The following PHACTR1 variants were observed in gnomAD, a reference collection of about 807,000 sequenced individuals.
The protein encoded by PHACTR1 is RPEL repeat containing 1.
In PHACTR1, 16 loss-of-function variants were observed where a neutral mutation model predicts 69.2. That is an observed-to-expected ratio of 0.23 (90% CI 0.16 to 0.35). The LOEUF (loss-of-function observed/expected upper bound fraction) is 0.35. Ranked by LOEUF, PHACTR1 falls within the 10% of genes least tolerant of loss-of-function variation. PHACTR1 has a pLI of 1.00. For synonymous variants in PHACTR1, 312 were observed against 284.5 expected, an observed-to-expected ratio of 1.10 and a Z score of -0.97; for missense variants, 510 against 734.7, an observed-to-expected ratio of 0.69 and a Z score of 3.54.
intron 12 of PHACTR1, among the ~76,000 whole-genome samples, chr6:13,282,084 A>T (rs192749606): frequency 6.6e-6 from 1 of 152,330 alleles, no homozygotes; most frequent in Non-Finnish European, 1.5e-5. Flanking sequence ...TTCTCGCACT[A>T]GCCACGGGTG....
At chr6:12,986,597 G>A (rs1305770837) in intron 4 of PHACTR1, among the ~76,000 whole-genome samples, 2 of 152,170 alleles carry the variant, frequency 1.3e-5, no homozygotes, top group African/African-American at 2.4e-5. Context: ...GATAAAACAC[G>A]TTTTGCCATC....
In PHACTR1 at chr6:13,239,900, G is replaced by C. The variant is rs145629485; in HGVS notation, c.1391+9707G>C. Among the ~76,000 whole-genome samples, 210 of 152,344 alleles carry C rather than the reference G, an allele frequency of 1.4e-3. 1 individual carries two copies. Among genetic ancestry groups the C allele is most frequent in the African/African-American group, 4.5e-3 (188 of 41,578 alleles). Reference sequence around the variant, plus strand: ...TTGAGGAGCAGAGCCACATCTTGGAGAGCACCGTTAGTTCTCTGCATCTGT... The same window carrying C: ...TTGAGGAGCAGAGCCACATCTTGGACAGCACCGTTAGTTCTCTGCATCTGT... On this transcript the variant is annotated intron_variant, in intron 10 of 14. Coordinates refer to ENST00000332995, the MANE Select transcript of PHACTR1 (RefSeq NM_030948.6).
chr6:12,794,350 G>C (rs1416070183), intron 4 of PHACTR1, among the ~76,000 whole-genome samples: 1 of 152,218 alleles, frequency 6.6e-6, no homozygotes, highest in African/African-American at 2.4e-5. Flanking sequence ...GAGGTGCCAG[G>C]GAAAGCAGAG....
chr6:12,917,594 G>A (rs9472965), intron 4 of PHACTR1, among the ~76,000 whole-genome samples: 24,382 of 151,986 alleles, frequency 0.16, 4,570 homozygotes, highest in African/African-American at 0.46. Context: ...CTGTAAACAA[G>A]TTAAAAATAA....
intron 5 of PHACTR1, among the ~76,000 whole-genome samples, chr6:13,063,252 G>T (rs1807963160): frequency 6.6e-6 from 1 of 152,176 alleles, no homozygotes; most frequent in African/African-American, 2.4e-5. Context: ...AGACAATAAA[G>T]CCAGCAATTA....
chr6:12,879,145 C>A (rs1323019450), intron 4 of PHACTR1, among the ~76,000 whole-genome samples: 1 of 151,992 alleles, frequency 6.6e-6, no homozygotes, highest in East Asian at 1.9e-4. Flanking sequence ...TTGCTGGAGG[C>A]GATGAAAATT....
At chr6:12,970,626 T>A (rs957917685) in intron 4 of PHACTR1, among the ~76,000 whole-genome samples, 1 of 152,074 alleles carries the variant, frequency 6.6e-6, no homozygotes, top group African/African-American at 2.4e-5. Flanking sequence ...CGTGGTGGTG[T>A]GTGCCTGTAG....
chr6:12,961,182 T>C (rs1265018467), intron 4 of PHACTR1, among the ~76,000 whole-genome samples: 1 of 152,150 alleles, frequency 6.6e-6, no homozygotes, highest in Non-Finnish European at 1.5e-5. Context: ...TGAAAAATAG[T>C]GTAGGGTGTC....
intron 4 of PHACTR1, among the ~76,000 whole-genome samples, chr6:13,051,210 A>G (rs1326895094): frequency 2.0e-5 from 3 of 151,900 alleles, no homozygotes. Flanking sequence ...CATACTCTAT[A>G]ATTTATTTGG....
At chr6:13,025,100 C>G (rs1402208551) in intron 4 of PHACTR1, among the ~76,000 whole-genome samples, 1 of 151,952 alleles carries the variant, frequency 6.6e-6, no homozygotes, top group African/African-American at 2.4e-5. Flanking sequence ...TACAAAAATA[C>G]AAAAATTAGC....
At chr6:12,768,845 C>T (rs900181652) in intron 4 of PHACTR1, among the ~76,000 whole-genome samples, 1 of 138,386 alleles carries the variant, frequency 7.2e-6, no homozygotes, top group Admixed American at 7.6e-5. Context: ...CACACACACA[C>T]ACACACACAC....
At chr6:12,944,111 T>C (rs542333433) in intron 4 of PHACTR1, among the ~76,000 whole-genome samples, 3 of 152,334 alleles carry the variant, frequency 2.0e-5, no homozygotes, top group Non-Finnish European at 4.4e-5. Context: ...TCTGTTCTAC[T>C]GATAACAAAA....
intron 4 of PHACTR1, among the ~76,000 whole-genome samples, chr6:12,973,108 A>C (rs1794434197): frequency 2.0e-5 from 3 of 152,140 alleles, no homozygotes; most frequent in Admixed American, 2.0e-4. Context: ...TTACAGCTGC[A>C]AAGTCCTTCT....
At chr6:13,190,317 G>A (rs1763394864) in intron 7 of PHACTR1, among the ~76,000 whole-genome samples, 1 of 150,964 alleles carries the variant, frequency 6.6e-6, no homozygotes, top group African/African-American at 2.4e-5. Context: ...TTACAGGCGT[G>A]AGCCACCAAG....
chr6:13,201,823 G>A (rs969507201), intron 7 of PHACTR1, among the ~76,000 whole-genome samples: 8 of 152,166 alleles, frequency 5.3e-5, no homozygotes, highest in Admixed American at 3.3e-4. Flanking sequence ...ACAAAGACAT[G>A]AGCTGCCCAG....
At chr6:12,944,788 T>A (rs1038481116) in intron 4 of PHACTR1, among the ~76,000 whole-genome samples, 24 of 47,042 alleles carry the variant, frequency 5.1e-4, no homozygotes, top group African/African-American at 2.0e-3. Context: ...TTTTTATTTA[T>A]TTTTTTTTTT....
In PHACTR1 at chr6:12,985,537, A is replaced by ATAT. The variant is rs1388013917; in HGVS notation, c.251-67828_251-67827insTAT. ...GTAAAGTACTACAAATTAAAAAAAA[A>ATAT]AAAAATATATATATATATATATATA... On this transcript the variant is annotated intron_variant, in intron 4 of 14. Transcript: ENST00000332995. 3.7e-3 allele frequency among the ~76,000 whole-genome samples: 505 copies of ATAT among 137,012 alleles called. 3 individuals carry two copies. The highest frequency in any genetic ancestry group is 0.012 in the African/African-American group (436 of 35,064). The allele number at this position is 137,012 out of a possible 152,430, so 89.9% of individuals were successfully genotyped here.
chr6:13,001,770 T>C (rs1798122226), intron 4 of PHACTR1, among the ~76,000 whole-genome samples: 2 of 152,354 alleles, frequency 1.3e-5, no homozygotes, highest in South Asian at 4.1e-4. Context: ...GAAAGCTTTG[T>C]GTTTCCTAAT....
At chr6:12,855,980 G>A (rs1219920696) in intron 4 of PHACTR1, among the ~76,000 whole-genome samples, 1 of 152,100 alleles carries the variant, frequency 6.6e-6, no homozygotes, top group East Asian at 1.9e-4. Context: ...CCCAGGGCAT[G>A]TAAACTTTAA....
Sources: allele counts gnomAD v4.1 joint callset (sites outside exome capture counted in the v4.1 genomes callset), GRCh38; gene constraint gnomAD v4.1.1; transcripts MANE v1.5; gene names NCBI Gene and HGNC (gene_info 2026-07-23, HGNC 2026-07-21).